HDAC9: variants seen among roughly 807,000 people sequenced by gnomAD.
HDAC9 encodes histone deacetylase 9.
HDAC9 carries 41 observed loss-of-function variants against 139.4 expected under a neutral mutation model. The observed-to-expected ratio is 0.29, with a 90% CI of 0.23 to 0.38. HDAC9 has a LOEUF of 0.38. Ranked by LOEUF, HDAC9 falls within the 10% of genes least tolerant of loss-of-function variation. HDAC9 has a pLI of 1.00. For missense variants in HDAC9, 1,147 were observed against 1,297.0 expected, an observed-to-expected ratio of 0.88 and a Z score of 1.78; for synonymous variants, 517 against 476.2, an observed-to-expected ratio of 1.09 and a Z score of -1.12.
chr7:18,311,738 A>T (rs1262117052), intron 1 of HDAC9, among the ~76,000 whole-genome samples: 1 of 152,176 alleles, frequency 6.6e-6, no homozygotes, highest in Non-Finnish European at 1.5e-5. Context: ...TTTTCTCCCA[A>T]ATATGGGGAC....
intron 6 of HDAC9, among the ~76,000 whole-genome samples, chr7:18,620,579 A>G (rs1399829576): frequency 5.3e-5 from 8 of 150,756 alleles, no homozygotes; most frequent in Non-Finnish European, 1.0e-4. Flanking sequence ...TCATTCATTC[A>G]CTCCGTAAAC....
chr7:18,390,633 A>C (rs1205767222), intron 1 of HDAC9, among the ~76,000 whole-genome samples: 1 of 152,190 alleles, frequency 6.6e-6, no homozygotes. Flanking sequence ...GATATATTTC[A>C]GTCTGTGCCT....
rs186258677 is a variant in HDAC9, at chr7:18,733,064, C to T, written c.1909+5307C>T. Among the ~76,000 whole-genome samples the T allele has an allele frequency of 9.3e-5, 13 of 139,936 alleles. No individual in the cohort carries two copies. The East Asian group carries it at 2.6e-3, about 28-fold the overall frequency. The allele number at this position is 139,936 out of a possible 152,430, so 91.8% of individuals were successfully genotyped here. A position where few individuals can be genotyped will look rare whatever the true frequency, so the allele number is the denominator to read the frequency against. ...ATATACATATATACATGTGTATATA[C>T]GTATATACACATGTATACACATATA... On this transcript the variant is annotated intron_variant, in intron 13 of 25. Transcript: ENST00000686413.
chr7:18,279,212 G>A (rs184718738), intron 2 of HDAC9, among the ~76,000 whole-genome samples: 3 of 151,752 alleles, frequency 2.0e-5, no homozygotes, highest in Admixed American at 2.0e-4. Flanking sequence ...AGATGGCAGT[G>A]TGCTTTCCGA....
chr7:18,671,028 AC>A (rs1795643876), intron 12 of HDAC9, among the ~76,000 whole-genome samples: 1 of 151,954 alleles, frequency 6.6e-6, no homozygotes, highest in African/African-American at 2.4e-5. Context: ...CACTTGGTTA[AC>A]TTTTAGGGGA....
chr7:18,456,235 G>A (rs2128106228), intron 1 of HDAC9, among the ~76,000 whole-genome samples: 1 of 152,102 alleles, frequency 6.6e-6, no homozygotes, highest in South Asian at 2.1e-4. Context: ...GATTTGATTG[G>A]TTGGTTGGTT....
rs1639967792 is a variant in HDAC9, at chr7:18,762,291, T to C, written c.2164+14T>C. ...GGATACTCCTAGGTCTGTACGGGCC[T>C]CCACTGTACTGGGAACAGCACATTC... On this transcript the variant is annotated intron_variant, in intron 15 of 25. Coordinates refer to ENST00000686413, the MANE Select transcript of HDAC9 (RefSeq NM_178425.4). The C allele has an allele frequency of 6.2e-7, 1 of 1,612,766 alleles. No individual in the cohort carries two copies. Among genetic ancestry groups the C allele is most frequent in the Admixed American group, 1.7e-5 (1 of 59,908 alleles).
chr7:18,463,921 C>T (rs1238199645), intron 1 of HDAC9, among the ~76,000 whole-genome samples: 2 of 151,926 alleles, frequency 1.3e-5, no homozygotes, highest in South Asian at 2.1e-4. Flanking sequence ...ATAGGACATA[C>T]TCAGATTTTA....
At chr7:18,373,818 G>A (rs543692858) in intron 1 of HDAC9, among the ~76,000 whole-genome samples, 3 of 152,068 alleles carry the variant, frequency 2.0e-5, no homozygotes, top group Admixed American at 6.5e-5. Context: ...TGGCATTTAA[G>A]TCATGCTAAC....
At chr7:18,121,737 A>G (rs1784377273) in intron 1 of HDAC9, among the ~76,000 whole-genome samples, 1 of 152,142 alleles carries the variant, frequency 6.6e-6, no homozygotes, top group African/African-American at 2.4e-5. Flanking sequence ...TGAGGCCTAA[A>G]CCTTACTGTC....
At chr7:18,547,254 G>T (rs539780699) in intron 2 of HDAC9, among the ~76,000 whole-genome samples, 1 of 151,432 alleles carries the variant, frequency 6.6e-6, no homozygotes, top group South Asian at 2.1e-4. Flanking sequence ...TTTTTTCTTT[G>T]AGACGGAGTC....
intron 6 of HDAC9, among the ~76,000 whole-genome samples, chr7:18,622,417 A>T (rs1336970802): frequency 6.6e-6 from 1 of 152,126 alleles, no homozygotes. Flanking sequence ...TCTGCCTCCC[A>T]GGTTCAAGCA....
At chr7:18,392,308 C>G (rs1346865265) in intron 1 of HDAC9, among the ~76,000 whole-genome samples, 7 of 132,980 alleles carry the variant, frequency 5.3e-5, no homozygotes, top group African/African-American at 2.2e-4. Context: ...CTCTCTCTCT[C>G]TCTCTCTCAC....
At position 18,266,702 on chromosome 7, in the gene HDAC9, A is replaced by G. The variant is rs539526593; in HGVS notation, c.25+104353A>G. Reference sequence around the variant, plus strand: ...TAAGGGATACAATGACTGTAAATACACTGTGATACCACTGCCTTGATTGTT... The same window carrying G: ...TAAGGGATACAATGACTGTAAATACGCTGTGATACCACTGCCTTGATTGTT... On this transcript the variant is annotated intron_variant, in intron 2 of 12. Transcript: ENST00000417496. Among the ~76,000 whole-genome samples the G allele has an allele frequency of 2.0e-5, 3 of 152,298 alleles. No homozygotes were observed. In the East Asian group the frequency reaches 5.8e-4, roughly 29 times the overall value.
At chr7:18,891,753 C>T (rs1398197398) in intron 22 of HDAC9, among the ~76,000 whole-genome samples, 1 of 152,082 alleles carries the variant, frequency 6.6e-6, no homozygotes, top group Non-Finnish European at 1.5e-5. Context: ...AACTTGGAAC[C>T]TGAAAAGTCT....
At chr7:18,736,983 A>G (rs1786975766) in intron 13 of HDAC9, among the ~76,000 whole-genome samples, 1 of 152,144 alleles carries the variant, frequency 6.6e-6, no homozygotes, top group South Asian at 2.1e-4. Flanking sequence ...GTGTCCAGGA[A>G]TTTATCCATT....
intron 22 of HDAC9, among the ~76,000 whole-genome samples, chr7:18,921,910 G>C (rs1803773809): frequency 6.6e-6 from 1 of 152,070 alleles, no homozygotes; most frequent in African/African-American, 2.4e-5. Context: ...AACAAAGGAT[G>C]AGTTCATGTC....
At chr7:18,607,156 T>G (rs534524425) in intron 6 of HDAC9, among the ~76,000 whole-genome samples, 5 of 152,206 alleles carry the variant, frequency 3.3e-5, no homozygotes, top group Non-Finnish European at 7.4e-5. Flanking sequence ...AGTGAGAAGC[T>G]GGTTTCATTG....
At chr7:18,966,218 C>T (rs916909442) in intron 24 of HDAC9, among the ~76,000 whole-genome samples, 1 of 152,134 alleles carries the variant, frequency 6.6e-6, no homozygotes, top group South Asian at 2.1e-4. Context: ...TTTCCTGGTC[C>T]TTTTGTGATA....
Sources: gnomAD v4.1 joint callset for allele counts (sites outside exome capture counted in the v4.1 genomes callset) on GRCh38, gnomAD v4.1.1 for gene constraint, MANE v1.5 for transcripts, NCBI Gene and HGNC (gene_info 2026-07-23, HGNC 2026-07-21) for gene names.